MARCHF1: variants seen among roughly 807,000 people sequenced by gnomAD.
MARCHF1 encodes the protein membrane associated ring-CH-type finger 1, also known as E3 ubiquitin-protein ligase MARCHF1.
In MARCHF1, 40 loss-of-function variants were observed where a neutral mutation model predicts 54.2. The observed-to-expected ratio is 0.74, with a 90% CI of 0.57 to 0.96. The LOEUF (loss-of-function observed/expected upper bound fraction) is 0.96, where lower values mean the gene tolerates loss of function less well. MARCHF1 is among the 40% of genes least tolerant of loss of function. MARCHF1 has a pLI of 0.00. For missense variants in MARCHF1, 586 were observed against 656.5 expected (o/e 0.89, Z 1.17); for synonymous variants, 236 against 236.3 (o/e 1.00, Z 0.01).
chr4:164,357,821 A>G (rs545806519), intron 1 of MARCHF1, among the ~76,000 whole-genome samples: 6 of 152,300 alleles, frequency 3.9e-5, no homozygotes, highest in African/African-American at 1.4e-4. Context: ...ACCTTTAGCT[A>G]GGTATTCAGT....
intron 7 of MARCHF1, among the ~76,000 whole-genome samples, chr4:163,589,597 T>C (rs1740519278): frequency 6.6e-6 from 1 of 152,050 alleles, no homozygotes; most frequent in African/African-American, 2.4e-5. Flanking sequence ...GATCGTGCCA[T>C]TAAAGAAAGA....
chr4:164,369,418 C>G (rs1364789707), intron 1 of MARCHF1, among the ~76,000 whole-genome samples: 1 of 152,112 alleles, frequency 6.6e-6, no homozygotes, highest in African/African-American at 2.4e-5. Flanking sequence ...TCCAATCCTG[C>G]ACCTGCCACT....
In MARCHF1 at chr4:164,258,923, A is replaced by G. The variant is rs563561303; in HGVS notation, c.-323+124947T>C. Reference sequence around the variant, plus strand: ...ACATTCAGTACTTATGTATCAACAAAATGAGATTATAAAATCAAACATATA... The same window carrying G: ...ACATTCAGTACTTATGTATCAACAAGATGAGATTATAAAATCAAACATATA... On this transcript the variant is annotated intron_variant, in intron 1 of 9. Transcript: ENST00000514618. 2.6e-5 allele frequency among the ~76,000 whole-genome samples: 4 copies of G among 152,294 alleles called. No homozygotes were observed. The South Asian group carries it at 6.2e-4, about 24-fold the overall frequency.
intron 1 of MARCHF1, among the ~76,000 whole-genome samples, chr4:164,215,010 G>A (rs1419131759): frequency 3.3e-5 from 5 of 152,176 alleles, no homozygotes; most frequent in Admixed American, 6.5e-5. Context: ...TACAGCTGAA[G>A]CCCCAGTGGG....
At position 164,144,530 on chromosome 4, in the gene MARCHF1, C is replaced by T. The variant is rs531088399; in HGVS notation, c.-322-32868G>A. On this transcript the variant is annotated intron_variant, in intron 1 of 9. Transcript: ENST00000514618. ...GGATTAAGAATCTCACTCAAAACTGCGCAACTACACAGAAACTGAACAACC... is the reference window on the plus strand; with the variant it reads ...GGATTAAGAATCTCACTCAAAACTGTGCAACTACACAGAAACTGAACAACC... Among the ~76,000 whole-genome samples the T allele has an allele frequency of 6.8e-4, 104 of 152,116 alleles. 2 individuals carry two copies. Among genetic ancestry groups the T allele is most frequent in the South Asian group, 1.9e-3 (9 of 4,820 alleles).
chr4:163,708,184 G>C (rs1322176568), intron 4 of MARCHF1, among the ~76,000 whole-genome samples: 1 of 151,308 alleles, frequency 6.6e-6, no homozygotes. Context: ...AAGACCAGCT[G>C]GTGGATTCTT....
intron 1 of MARCHF1, among the ~76,000 whole-genome samples, chr4:164,249,091 A>G (rs564413442): frequency 1.2e-3 from 182 of 152,266 alleles, no homozygotes; most frequent in South Asian, 0.01. Flanking sequence ...AAATAGTTAT[A>G]AAGTTCTAAA....
intron 3 of MARCHF1, among the ~76,000 whole-genome samples, chr4:163,899,799 A>C (rs1750898934): frequency 7.9e-6 from 1 of 126,200 alleles, no homozygotes; most frequent in South Asian, 2.8e-4. Flanking sequence ...CACACTCCTC[A>C]GTTTCTGCCA....
intron 8 of MARCHF1, among the ~76,000 whole-genome samples, chr4:163,572,467 C>A (rs1032159234): frequency 6.6e-5 from 10 of 152,026 alleles, no homozygotes; most frequent in African/African-American, 2.4e-4. Flanking sequence ...TGGTTAAGTG[C>A]AGAACCAGAA....
At chr4:163,843,526 GT>G (rs540331418) in intron 4 of MARCHF1, among the ~76,000 whole-genome samples, 24 of 148,826 alleles carry the variant, frequency 1.6e-4, no homozygotes, top group Middle Eastern at 3.4e-3. Flanking sequence ...GCCAACACCT[GT>G]TTTTTTTTTA....
chr4:163,572,003 T>C (rs1739855859), intron 8 of MARCHF1, among the ~76,000 whole-genome samples: 5 of 152,280 alleles, frequency 3.3e-5, no homozygotes, highest in African/African-American at 1.2e-4. Flanking sequence ...AAATGCTAAC[T>C]GCCCTCAAAC....
chr4:164,220,212 CTATA>C (rs34363771), intron 1 of MARCHF1, among the ~76,000 whole-genome samples: 3 of 147,692 alleles, frequency 2.0e-5, no homozygotes, highest in African/African-American at 7.4e-5. Flanking sequence ...GTATATATTC[CTATA>C]TATATATACA....
intron 5 of MARCHF1, among the ~76,000 whole-genome samples, chr4:163,622,383 G>A (rs1445646112): frequency 1.3e-5 from 2 of 151,646 alleles, no homozygotes; most frequent in Admixed American, 1.3e-4. Context: ...AGGGGAATGG[G>A]AAGAAACCCT....
At chr4:164,380,699 T>C (rs1466881482) in intron 1 of MARCHF1, among the ~76,000 whole-genome samples, 2 of 152,192 alleles carry the variant, frequency 1.3e-5, no homozygotes, top group East Asian at 1.9e-4. Context: ...TATTAGATCA[T>C]CACACTCCTA....
At chr4:164,292,921 A>G (rs1734319002) in intron 1 of MARCHF1, among the ~76,000 whole-genome samples, 2 of 152,098 alleles carry the variant, frequency 1.3e-5, no homozygotes, top group Admixed American at 1.3e-4. Flanking sequence ...ATCTTCTACT[A>G]ATGCTATAAA....
chr4:164,208,099 C>T (rs1206128295), intron 1 of MARCHF1, among the ~76,000 whole-genome samples: 1 of 151,984 alleles, frequency 6.6e-6, no homozygotes, highest in Non-Finnish European at 1.5e-5. Flanking sequence ...TGTATGAATC[C>T]CTGATGTCAA....
chr4:164,299,774 T>TA (rs1295546185), intron 1 of MARCHF1, among the ~76,000 whole-genome samples: 2 of 152,180 alleles, frequency 1.3e-5, no homozygotes, highest in Admixed American at 1.3e-4. Context: ...ATTCAACTCT[T>TA]ACAGAGGAAA....
At chr4:164,198,108 C>G (rs1231731601) in intron 1 of MARCHF1, among the ~76,000 whole-genome samples, 1 of 152,110 alleles carries the variant, frequency 6.6e-6, no homozygotes, top group Non-Finnish European at 1.5e-5. Context: ...TTTAAAGTAA[C>G]CTGAGAATAT....
intron 4 of MARCHF1, among the ~76,000 whole-genome samples, chr4:163,813,080 G>A (rs1748437557): frequency 6.6e-6 from 1 of 152,158 alleles, no homozygotes; most frequent in African/African-American, 2.4e-5. Flanking sequence ...ATCACTGCTT[G>A]AATTTACATG....
Sources: gnomAD v4.1 joint callset for allele counts (sites outside exome capture counted in the v4.1 genomes callset) on GRCh38, gnomAD v4.1.1 for gene constraint, MANE v1.5 for transcripts, NCBI Gene and HGNC (gene_info 2026-07-23, HGNC 2026-07-21) for gene names.